HECW2: variants seen among roughly 807,000 people sequenced by gnomAD.
HECW2 encodes E3 ubiquitin-protein ligase HECW2.
A neutral mutation model predicts 175.2 loss-of-function variants in HECW2; 61 were observed. The ratio of observed to expected loss-of-function variants is 0.35; its 90% CI spans 0.28 to 0.43. The LOEUF is 0.43. HECW2 is among the 20% of genes least tolerant of loss of function. The probability of loss-of-function intolerance (pLI) is 1.00; values close to 1 mark genes in which losing one functional copy is unlikely to be tolerated. For synonymous variants in HECW2, 671 were observed against 731.0 expected, an observed-to-expected ratio of 0.92 and a Z score of 1.32; for missense variants, 1,524 against 2,000.5, an observed-to-expected ratio of 0.76 and a Z score of 4.54.
At chr2:196,256,660 G>C (rs555763095) in intron 18 of HECW2, among the ~76,000 whole-genome samples, 1 of 152,282 alleles carries the variant, frequency 6.6e-6, no homozygotes, top group Non-Finnish European at 1.5e-5. Flanking sequence ...TCTGTTAACA[G>C]AAACTTCAAC....
intron 2 of HECW2, among the ~76,000 whole-genome samples, chr2:196,378,654 C>T (rs1336488310): frequency 6.6e-6 from 1 of 152,116 alleles, no homozygotes; most frequent in African/African-American, 2.4e-5. Context: ...CATCATTTTG[C>T]TTTTCCAGAA....
chr2:196,217,292 A>C, intron 26 of HECW2, 199 bp from the exon 27 acceptor site: 1 of 427,928 alleles, frequency 2.3e-6, no homozygotes, highest in South Asian at 5.4e-5. Flanking sequence ...ACATTAAGTG[A>C]AACCAAGAGG....
intron 19 of HECW2, among the ~76,000 whole-genome samples, chr2:196,245,025 C>T (rs964233056): frequency 1.3e-5 from 2 of 151,940 alleles, no homozygotes; most frequent in Admixed American, 6.6e-5. Flanking sequence ...AGGAAAGAGC[C>T]CCAGTTAGGA....
intron 21 of HECW2, among the ~76,000 whole-genome samples, chr2:196,236,770 TA>T (rs1466368438): frequency 2.6e-5 from 4 of 152,170 alleles, no homozygotes; most frequent in Non-Finnish European, 5.9e-5. Context: ...ACCACAGAGG[TA>T]AAGTGCCACC....
chr2:196,409,756 C>A (rs1165846328), intron 2 of HECW2, among the ~76,000 whole-genome samples: 1 of 152,142 alleles, frequency 6.6e-6, no homozygotes, highest in Non-Finnish European at 1.5e-5. Context: ...CCATAAGAAG[C>A]CCTCTAGGTA....
At chr2:196,243,076 T>C (rs1481494326) in intron 19 of HECW2, among the ~76,000 whole-genome samples, 1 of 152,108 alleles carries the variant, frequency 6.6e-6, no homozygotes, top group African/African-American at 2.4e-5. Context: ...CAGGGTAAAA[T>C]CTTAATATAA....
At chr2:196,402,828 A>T (rs1694858618) in intron 2 of HECW2, among the ~76,000 whole-genome samples, 1 of 120,772 alleles carries the variant, frequency 8.3e-6, no homozygotes, top group African/African-American at 3.1e-5. Context: ...TTTTTTTGAG[A>T]CAGAGTCTCG....
rs763874772 is a variant in HECW2 at position 196,257,911 on chromosome 2, T to C, written c.3336-5A>G. 1 of 1,609,896 alleles carries C rather than the reference T, an allele frequency of 6.2e-7. No individual in the cohort carries two copies. On this transcript the variant is annotated splice_polypyrimidine_tract_variant and splice_region_variant and intron_variant, in intron 17 of 28. Coordinates refer to ENST00000644978, the MANE Select transcript of HECW2 (RefSeq NM_001348768.2). ...CGGATAAATTGGATCTTCTCCCTAA[T>C]CAAGAAAAGAAACAGCACAAAATGT... is the stretch of plus-strand genomic sequence containing the variant.
chr2:196,511,756 A>G (rs1054384820), intron 1 of HECW2, among the ~76,000 whole-genome samples: 1 of 152,182 alleles, frequency 6.6e-6, no homozygotes, highest in African/African-American at 2.4e-5. Context: ...CAGAGTCTTA[A>G]GGGGCAGGCA....
chr2:196,372,885 C>T (rs1693946906), intron 2 of HECW2, among the ~76,000 whole-genome samples: 3 of 152,130 alleles, frequency 2.0e-5, no homozygotes, highest in Admixed American at 1.3e-4. Flanking sequence ...AAAATGGACA[C>T]CTTTTTAGCT....
intron 2 of HECW2, among the ~76,000 whole-genome samples, chr2:196,364,507 T>G (rs943088067): frequency 3.9e-5 from 6 of 152,248 alleles, no homozygotes; most frequent in African/African-American, 1.4e-4. Context: ...CAGAGTATCA[T>G]AATTCACATA....
intron 28 of HECW2, among the ~76,000 whole-genome samples, chr2:196,202,239 A>G (rs886988035): frequency 1.3e-5 from 2 of 152,190 alleles, no homozygotes; most frequent in Non-Finnish European, 2.9e-5. Flanking sequence ...ATACTCCTGA[A>G]TAAGAAATTT....
intron 4 of HECW2, among the ~76,000 whole-genome samples, chr2:196,330,375 A>G (rs16849716): frequency 0.19 from 29,430 of 152,160 alleles, 3,057 homozygotes; most frequent in Middle Eastern, 0.31. Flanking sequence ...ACTCTGCAAA[A>G]TAAGTCAAAA....
intron 1 of HECW2, among the ~76,000 whole-genome samples, chr2:196,549,276 T>C (rs1014400213): frequency 2.6e-5 from 4 of 152,204 alleles, no homozygotes; most frequent in Non-Finnish European, 5.9e-5. Flanking sequence ...GGGACCCCTG[T>C]ATGCGCTTTC....
intron 1 of HECW2, among the ~76,000 whole-genome samples, chr2:196,585,598 A>T (rs1459436903): frequency 6.6e-6 from 1 of 152,190 alleles, no homozygotes; most frequent in African/African-American, 2.4e-5. Flanking sequence ...CTGCCTAGAT[A>T]ACAGTGATAC....
chr2:196,582,744 T>C (rs1054005643), intron 1 of HECW2, among the ~76,000 whole-genome samples: 2 of 152,332 alleles, frequency 1.3e-5, no homozygotes, highest in South Asian at 2.1e-4. Flanking sequence ...TGAATTTCGT[T>C]TGGCATGAGC....
intron 1 of HECW2, among the ~76,000 whole-genome samples, chr2:196,510,941 TTTC>T (rs896073093): frequency 2.0e-5 from 3 of 151,430 alleles, no homozygotes; most frequent in Admixed American, 6.6e-5. Context: ...TTGGGGTTTT[TTTC>T]TTGTTTGTTT....
chr2:196,582,607 T>C (rs561568011), intron 1 of HECW2, among the ~76,000 whole-genome samples: 1 of 152,278 alleles, frequency 6.6e-6, no homozygotes, highest in East Asian at 1.9e-4. Context: ...TTCATTTTCT[T>C]GGTAGAGATC....
At chr2:196,554,001 G>GGTA (rs1689695277) in intron 1 of HECW2, among the ~76,000 whole-genome samples, 1 of 152,190 alleles carries the variant, frequency 6.6e-6, no homozygotes, top group South Asian at 2.1e-4. Flanking sequence ...TGCCAGGGAG[G>GGTA]GTAGCTCCCT....
Sources: allele counts gnomAD v4.1 joint callset (sites outside exome capture counted in the v4.1 genomes callset), GRCh38; gene constraint gnomAD v4.1.1; transcripts MANE v1.5; gene names NCBI Gene and HGNC (gene_info 2026-07-23, HGNC 2026-07-21).